Variants in TCF12 observed in about 807,000 individuals in gnomAD.
TCF12 encodes the protein DNA-binding protein HTF4.
In TCF12, 45 loss-of-function variants were observed where a neutral mutation model predicts 86.0. The ratio of observed to expected loss-of-function variants is 0.52; its 90% CI spans 0.41 to 0.67. The LOEUF (loss-of-function observed/expected upper bound fraction) is 0.67. Among genes scored for constraint, TCF12 ranks in the 30% least tolerant of loss-of-function variants. The pLI, the probability that TCF12 is intolerant of heterozygous loss-of-function variation, is 0.00. For synonymous variants in TCF12, 330 were observed against 299.6 expected (o/e 1.10, Z -1.05); for missense variants, 881 against 859.9 (o/e 1.02, Z -0.31).
intron 5 of TCF12, chr15:57,109,443 GATATCA>G: frequency 6.6e-6 from 1 of 152,250 alleles, no homozygotes; most frequent in Non-Finnish European, 1.5e-5. Context: ...TTGTAAATAG[GATATCA>G]ATTTATGTGG....
rs1356762273 is a variant in TCF12 at position 57,126,301 on chromosome 15, A to G, written c.325+34410A>G. Among the ~76,000 whole-genome samples the G allele has an allele frequency of 2.6e-5, 4 of 152,214 alleles. 1 individual carries two copies. The highest frequency in any genetic ancestry group is 1.3e-4 in the Admixed American group (2 of 15,280). On this transcript the variant is annotated intron_variant, in intron 5 of 20. Transcript: ENST00000333725. ...CCTCAACAGTCCATAGTAATTTGTC[A>G]TAAGTACAGTGTTTTTCTTCCAGAG...
intron 6 of TCF12, among the ~76,000 whole-genome samples, chr15:57,184,643 G>GAC (rs1437961806): frequency 6.6e-6 from 1 of 152,062 alleles, no homozygotes; most frequent in Non-Finnish European, 1.5e-5. Flanking sequence ...TAAGGTACTT[G>GAC]ACCCCTGCCC....
At chr15:57,029,936 T>A (rs1473659282) in intron 3 of TCF12, among the ~76,000 whole-genome samples, 1 of 152,214 alleles carries the variant, frequency 6.6e-6, no homozygotes, top group Non-Finnish European at 1.5e-5. Flanking sequence ...TGCTGAGTGG[T>A]GTTACGTTAT....
At position 57,289,524 on chromosome 15, in the gene TCF12, A is replaced by G. The variant is rs1489274076; in HGVS notation, c.*3379A>G. On this transcript the variant is annotated 3_prime_UTR_variant, in exon 21 of 21. Coordinates refer to ENST00000333725, the MANE Select transcript of TCF12 (RefSeq NM_207037.2). ...CTGCTCAGTGTCTTCATTTTCTTCC[A>G]TATTTGTTTTATTTCATTTTTCTTT... is the stretch of plus-strand genomic sequence containing the variant. 3.3e-5 allele frequency: 5 copies of G among 151,818 alleles called. No individual in the cohort carries two copies. Among genetic ancestry groups the G allele is most frequent in the Non-Finnish European group, 7.4e-5 (5 of 67,972 alleles). The allele number at this position is 151,818 out of a possible 1,614,324, so 9.4% of individuals were successfully genotyped here. A position where few individuals can be genotyped will look rare whatever the true frequency, so the allele number is the denominator to read the frequency against.
intron 3 of TCF12, among the ~76,000 whole-genome samples, chr15:56,932,894 TA>T (rs1434505064): frequency 3.9e-5 from 6 of 152,192 alleles, no homozygotes; most frequent in African/African-American, 1.4e-4. Context: ...AAAGCCTCCA[TA>T]AAATAGTTAA....
chr15:57,191,767 GTC>G (rs1235229162), intron 6 of TCF12, among the ~76,000 whole-genome samples: 1 of 151,894 alleles, frequency 6.6e-6, no homozygotes, highest in Non-Finnish European at 1.5e-5. Context: ...GTGAAACCCC[GTC>G]TCTACTAAAC....
chr15:56,922,047 A>G (rs185449456), intron 3 of TCF12, among the ~76,000 whole-genome samples: 122 of 152,076 alleles, frequency 8.0e-4, no homozygotes, highest in African/African-American at 2.9e-3. Context: ...GATCAAAAGG[A>G]CATCATGAAA....
chr15:57,163,056 C>G (rs1381808080), intron 5 of TCF12, among the ~76,000 whole-genome samples: 1 of 152,000 alleles, frequency 6.6e-6, no homozygotes, highest in Non-Finnish European at 1.5e-5. Context: ...CCCCTGTAGT[C>G]CCAGCTACTT....
At chr15:57,197,707 T>G in intron 7 of TCF12, 66 bp from the exon 8 acceptor site, 1 of 1,563,248 alleles carries the variant, frequency 6.4e-7, no homozygotes, top group Non-Finnish European at 8.7e-7. Context: ...GTTATTCTGT[T>G]AATTTGAAGT....
At chr15:56,984,582 G>C (rs1652740) in intron 3 of TCF12, among the ~76,000 whole-genome samples, 31,592 of 151,984 alleles carry the variant, frequency 0.21, 3,462 homozygotes, top group Non-Finnish European at 0.24. Flanking sequence ...AACGGTCATA[G>C]CACAGTATAG....
chr15:57,082,084 A>G (rs1419661075), intron 4 of TCF12, among the ~76,000 whole-genome samples: 1 of 152,220 alleles, frequency 6.6e-6, no homozygotes. Flanking sequence ...ATTGGAACTT[A>G]CCCTTAAAGA....
chr15:56,944,389 C>A (rs1423446551), intron 3 of TCF12, among the ~76,000 whole-genome samples: 2 of 152,134 alleles, frequency 1.3e-5, no homozygotes, highest in Non-Finnish European at 2.9e-5. Flanking sequence ...CAAGATAATA[C>A]TTATCTAAAT....
chr15:57,072,611 C>A, intron 4 of TCF12: 3 of 1,248,282 alleles, frequency 2.4e-6, no homozygotes, highest in South Asian at 1.4e-5. Context: ...TTAGAAAGGA[C>A]ACACGAATTT....
chr15:57,087,411 CA>C (rs5812863), intron 4 of TCF12, among the ~76,000 whole-genome samples: 32 of 131,474 alleles, frequency 2.4e-4, no homozygotes, highest in Non-Finnish European at 3.0e-4. Context: ...GACCCTGTCT[CA>C]AAAAAAAAAA....
At chr15:57,155,934 G>A (rs2054082837) in intron 5 of TCF12, among the ~76,000 whole-genome samples, 3 of 152,146 alleles carry the variant, frequency 2.0e-5, no homozygotes, top group South Asian at 4.1e-4. Flanking sequence ...TACACAAAGT[G>A]TACAAAATGT....
chr15:57,140,600 A>G (rs1407143356), intron 5 of TCF12, among the ~76,000 whole-genome samples: 5 of 152,244 alleles, frequency 3.3e-5, no homozygotes, highest in Non-Finnish European at 4.4e-5. Context: ...GGGCTTGCTG[A>G]TTACAAAGTG....
chr15:57,232,788 G>A lies in TCF12; in HGVS notation c.902G>A (p.Ser301Asn). The change falls in exon 11 of 21, where the codon AGT (serine) becomes AAT (asparagine). Residue 301 changes from serine to asparagine, a missense_variant. By Grantham distance (46) the Ser-to-Asn change is conservative. Coordinates refer to ENST00000333725, the MANE Select transcript of TCF12 (RefSeq NM_207037.2). ...LPPMSSFHRG[S>N]TSSSPYVAAS... ...CCAATGTCCAGCTTTCATCGCGGCA[G>A]TACCAGCAGTTCACCTTACGTTGCT... is the stretch of plus-strand genomic sequence containing the variant. 6.2e-7 allele frequency: 1 copy of A among 1,612,680 alleles called. No individual in the cohort carries two copies. Among genetic ancestry groups the A allele is most frequent in the Non-Finnish European group, 8.5e-7 (1 of 1,179,368 alleles).
At chr15:57,141,339 T>C (rs1485134217) in intron 5 of TCF12, among the ~76,000 whole-genome samples, 1 of 152,166 alleles carries the variant, frequency 6.6e-6, no homozygotes, top group Non-Finnish European at 1.5e-5. Context: ...AACTAACCAT[T>C]CCCCACTCGC....
At chr15:57,030,678 G>T (rs1313355479) in intron 3 of TCF12, among the ~76,000 whole-genome samples, 1 of 152,144 alleles carries the variant, frequency 6.6e-6, no homozygotes, top group African/African-American at 2.4e-5. Flanking sequence ...AGAAATTTCA[G>T]TTTGTTTCCG....
Sources: gnomAD v4.1 joint callset for allele counts (sites outside exome capture counted in the v4.1 genomes callset) on GRCh38, gnomAD v4.1.1 for gene constraint, MANE v1.5 for transcripts, NCBI Gene and HGNC (gene_info 2026-07-23, HGNC 2026-07-21) for gene names.